The following ARID5B variants were observed in gnomAD, a reference collection of about 807,000 sequenced individuals.
ARID5B encodes the protein AT-rich interaction domain 5B.
A neutral mutation model predicts 97.2 loss-of-function variants in ARID5B; 13 were observed. That is an observed-to-expected ratio of 0.13 (90% CI 0.09 to 0.21). The LOEUF (loss-of-function observed/expected upper bound fraction) is 0.21, where lower values mean the gene tolerates loss of function less well. Ranked by LOEUF, ARID5B falls within the 10% of genes least tolerant of loss-of-function variation. The pLI, the probability that ARID5B is intolerant of heterozygous loss-of-function variation, is 1.00. For synonymous variants in ARID5B, 556 were observed against 570.3 expected, an observed-to-expected ratio of 0.97 and a Z score of 0.36; for missense variants, 1,210 against 1,465.3, an observed-to-expected ratio of 0.83 and a Z score of 2.84.
chr10:62,025,935 G>A (rs937671109), intron 4 of ARID5B, among the ~76,000 whole-genome samples: 7 of 151,948 alleles, frequency 4.6e-5, no homozygotes, highest in Admixed American at 2.0e-4. Context: ...AAAGGTGTTC[G>A]TATCTGGTGA....
intron 9 of ARID5B, among the ~76,000 whole-genome samples, chr10:62,086,988 G>A (rs545418503): frequency 2.6e-5 from 4 of 152,198 alleles, no homozygotes; most frequent in African/African-American, 7.2e-5. Context: ...ACAGCCATGG[G>A]TTGAGACCAA....
At chr10:61,901,779 C>G (rs1843618295) in intron 1 of ARID5B, 49 bp downstream of exon 1, 1 of 1,575,116 alleles carries the variant, frequency 6.3e-7, no homozygotes, top group African/African-American at 1.3e-5. Flanking sequence ...CCCGGCACCC[C>G]CCAACCCCCC....
chr10:62,058,143 T>G (rs1839880320), intron 6 of ARID5B, among the ~76,000 whole-genome samples: 1 of 152,236 alleles, frequency 6.6e-6, no homozygotes, highest in African/African-American at 2.4e-5. Context: ...TTGGCACTGA[T>G]TGCAGGAGAA....
chr10:61,993,702 C>G (rs1354319985), intron 3 of ARID5B, among the ~76,000 whole-genome samples: 1 of 152,090 alleles, frequency 6.6e-6, no homozygotes, highest in African/African-American at 2.4e-5. Context: ...GGTGTCACAA[C>G]AGAGCAGCAA....
chr10:62,055,474 G>A lies in ARID5B; in HGVS notation c.847-1643G>A, dbSNP rs114902579. ...GGAAACACTCAGGAAGGGGTGGGAG[G>A]CAATACAAATTAAAACTGGAGTGAT... is the stretch of plus-strand genomic sequence containing the variant. On this transcript the variant is annotated intron_variant, in intron 5 of 9. Transcript: ENST00000279873. 2.5e-3 allele frequency among the ~76,000 whole-genome samples: 378 copies of A among 152,226 alleles called. 2 individuals are homozygous for A. The highest frequency in any genetic ancestry group is 8.6e-3 in the African/African-American group (358 of 41,534).
chr10:62,010,858 C>A (rs540641234), intron 4 of ARID5B, among the ~76,000 whole-genome samples: 1 of 152,286 alleles, frequency 6.6e-6, no homozygotes, highest in South Asian at 2.1e-4. Context: ...TCGCCGTGGC[C>A]AATCAAGAAA....
intron 2 of ARID5B, among the ~76,000 whole-genome samples, chr10:61,915,774 G>A (rs1305237239): frequency 6.6e-6 from 1 of 152,162 alleles, no homozygotes; most frequent in Non-Finnish European, 1.5e-5. Context: ...TTGTTTGTTT[G>A]AGACAGAGTC....
intron 8 of ARID5B, among the ~76,000 whole-genome samples, chr10:62,071,567 A>ATAGAG (rs1554849730): frequency 6.8e-6 from 1 of 146,836 alleles, no homozygotes; most frequent in Non-Finnish European, 1.5e-5. Context: ...AAAAAAAAAA[A>ATAGAG]AGAGAGAAGG....
At chr10:62,030,959 G>A (rs1348450723) in intron 4 of ARID5B, among the ~76,000 whole-genome samples, 1 of 152,208 alleles carries the variant, frequency 6.6e-6, no homozygotes, top group Non-Finnish European at 1.5e-5. Flanking sequence ...GTTTGAGCTG[G>A]GTGCGGTGGC....
rs372492528 is a variant in ARID5B, at chr10:61,925,867, C to A, written c.277-14316C>A. Among the ~76,000 whole-genome samples the A allele has an allele frequency of 5.3e-5, 8 of 152,250 alleles. No homozygotes were observed. In the East Asian group the frequency reaches 9.6e-4, roughly 18 times the overall value. On this transcript the variant is annotated intron_variant, in intron 2 of 9. Transcript: ENST00000279873. Reference sequence around the variant, plus strand: ...GTTGGCTATAACCATGAAGGATGGTCGCGTTACATTTAACAAAGCGTGCCT... The same window carrying A: ...GTTGGCTATAACCATGAAGGATGGTAGCGTTACATTTAACAAAGCGTGCCT...
intron 3 of ARID5B, among the ~76,000 whole-genome samples, chr10:61,952,172 C>T (rs1430014819): frequency 6.6e-6 from 1 of 152,178 alleles, no homozygotes; most frequent in Non-Finnish European, 1.5e-5. Flanking sequence ...TTCTCTTTAA[C>T]CACATGTACT....
intron 4 of ARID5B, among the ~76,000 whole-genome samples, chr10:62,001,679 A>T (rs1267033957): frequency 3.3e-5 from 5 of 152,156 alleles, no homozygotes; most frequent in African/African-American, 1.2e-4. Context: ...GAAGACAGAG[A>T]GAGGAAGGGG....
intron 3 of ARID5B, among the ~76,000 whole-genome samples, chr10:61,958,740 C>A (rs1330795260): frequency 1.3e-5 from 2 of 152,162 alleles, no homozygotes; most frequent in Admixed American, 6.5e-5. Flanking sequence ...AAATAGAAAC[C>A]CTGTGCTTGA....
chr10:61,937,803 A>G (rs1256645907), intron 2 of ARID5B, among the ~76,000 whole-genome samples: 2 of 152,220 alleles, frequency 1.3e-5, no homozygotes, highest in Non-Finnish European at 2.9e-5. Context: ...GATTTATGCC[A>G]TTGTGTGCAC....
In ARID5B at chr10:62,091,704, C is replaced by A. The variant is rs1221532128; in HGVS notation, c.2241C>A (p.Ser747Arg). Reference sequence around the variant, plus strand: ...AAAGCACTGACCATATGGCGGTCAGCCGGCCATCAGTGATTCAGCACGTCC... The same window carrying A: ...AAAGCACTGACCATATGGCGGTCAGACGGCCATCAGTGATTCAGCACGTCC... Reference protein sequence around the residue: ...HGQSTDHMAVSRPSVIQHVQS... With the variant: ...HGQSTDHMAVRRPSVIQHVQS... Residue 747 changes from serine to arginine, a missense_variant, in exon 10 of 10, where the codon AGC becomes AGA. By Grantham distance (110) the Ser-to-Arg change is moderately radical (BLOSUM62 -1). Transcript: ENST00000279873. 6.2e-7 allele frequency: 1 copy of A among 1,614,110 alleles called. No homozygotes were observed. Among genetic ancestry groups the A allele is most frequent in the Non-Finnish European group, 8.5e-7 (1 of 1,180,018 alleles).
intron 1 of ARID5B, 107 bp downstream of exon 1, chr10:61,901,837 A>G (rs1843620216): frequency 2.3e-6 from 2 of 865,182 alleles, no homozygotes; most frequent in Admixed American, 4.1e-5. Context: ...CAAACTTTTC[A>G]CCAAACTTTT....
intron 3 of ARID5B, among the ~76,000 whole-genome samples, chr10:61,948,925 C>T (rs1005938082): frequency 4.6e-5 from 7 of 152,206 alleles, no homozygotes; most frequent in Non-Finnish European, 8.8e-5. Context: ...TCTGCCACTA[C>T]ACTCCCTGAA....
chr10:61,902,499 T>C (rs1843633437), intron 2 of ARID5B, 86 bp downstream of exon 2: 7 of 1,525,880 alleles, frequency 4.6e-6, no homozygotes, highest in Non-Finnish European at 5.3e-6. Context: ...GAAAATACTG[T>C]ATTCACTTCT....
rs552095155 is a variant in ARID5B, at chr10:61,985,508, G to A, written c.503-14583G>A. Reference sequence around the variant, plus strand: ...TTATGTTAATCCATTTATATGAAATGTCCAGAATAGGCAAGTCTATACAGA... The same window carrying A: ...TTATGTTAATCCATTTATATGAAATATCCAGAATAGGCAAGTCTATACAGA... On this transcript the variant is annotated intron_variant, in intron 3 of 9. Coordinates refer to ENST00000279873, the MANE Select transcript of ARID5B (RefSeq NM_032199.3). 3.1e-4 allele frequency among the ~76,000 whole-genome samples: 47 copies of A among 151,938 alleles called. 1 individual carries two copies. The South Asian group carries it at 9.8e-3, about 32-fold the overall frequency.
Sources: gnomAD v4.1 joint callset for allele counts (sites outside exome capture counted in the v4.1 genomes callset) on GRCh38, gnomAD v4.1.1 for gene constraint, MANE v1.5 for transcripts, NCBI Gene and HGNC (gene_info 2026-07-23, HGNC 2026-07-21) for gene names.